CDH18: variants seen among roughly 807,000 people sequenced by gnomAD.
CDH18 encodes the protein cadherin-18.
Under a neutral mutation model 67.9 loss-of-function variants are expected in CDH18, and 31 were observed. The observed-to-expected ratio is 0.46, with a 90% CI of 0.34 to 0.62. The LOEUF (loss-of-function observed/expected upper bound fraction) is 0.62. Among genes scored for constraint, CDH18 ranks in the 20% least tolerant of loss-of-function variants. The pLI is 0.01. For synonymous variants in CDH18, 362 were observed against 347.2 expected (o/e 1.04, Z -0.48); for missense variants, 890 against 975.5 (o/e 0.91, Z 1.17).
chr5:19,813,414 T>C lies in CDH18; in HGVS notation c.228+25345A>G, dbSNP rs138135140. Among the ~76,000 whole-genome samples, 369 of 152,182 alleles carry C rather than the reference T, an allele frequency of 2.4e-3. 1 individual carries two copies. Among genetic ancestry groups the C allele is most frequent in the African/African-American group, 8.1e-3 (337 of 41,546 alleles). ...GGATAAGAAAAGAAGATAAATATGA[T>C]ATATATCATTATAATGATATAATTG... On this transcript the variant is annotated intron_variant, in intron 3 of 12. Coordinates refer to ENST00000382275, the MANE Select transcript of CDH18 (RefSeq NM_004934.5).
chr5:20,313,456 A>C (rs1270961061), intron 1 of CDH18, among the ~76,000 whole-genome samples: 2 of 152,020 alleles, frequency 1.3e-5, no homozygotes, highest in Non-Finnish European at 2.9e-5. Flanking sequence ...TTTTTTCTCA[A>C]CCACATATCT....
In CDH18 at chr5:19,471,662, A is replaced by T. The variant is rs1416118705; in HGVS notation, c.*1564T>A. On this transcript the variant is annotated 3_prime_UTR_variant, in exon 13 of 13. Transcript: ENST00000382275. The stretch of plus-strand genomic sequence containing the variant: ...TCAAGGCCAATAGCAACAACAACAA[A>T]ACATTATCTAAAACAATTTGAAAAA... Among the ~76,000 whole-genome samples the T allele has an allele frequency of 6.6e-6, 1 of 151,906 alleles. No individual in the cohort carries two copies. Among genetic ancestry groups the T allele is most frequent in the Non-Finnish European group, 1.5e-5 (1 of 67,992 alleles).
chr5:20,250,113 G>A (rs116128349), intron 2 of CDH18, among the ~76,000 whole-genome samples: 1,710 of 152,192 alleles, frequency 0.011, 34 homozygotes, highest in African/African-American at 0.039. Context: ...ACTTAAAAGA[G>A]CCAAAGATTA....
chr5:19,615,295 A>C (rs1371070646), intron 5 of CDH18, among the ~76,000 whole-genome samples: 1 of 152,156 alleles, frequency 6.6e-6, no homozygotes, highest in Non-Finnish European at 1.5e-5. Flanking sequence ...AAAGATGATC[A>C]CTTTCTAACC....
rs1450221801 is a variant in CDH18 at position 20,289,271 on chromosome 5, TATGAA to T, written c.-579-33771_-579-33767del. 5.3e-5 allele frequency among the ~76,000 whole-genome samples: 8 copies of T among 152,174 alleles called. No individual in the cohort carries two copies. The East Asian group carries it at 1.5e-3, about 29-fold the overall frequency. Reference sequence around the variant, plus strand: ...TTATTTCTGCTTTACAAATGAGAATTATGAAATGACAGTTGTTAGATAATTATTAA... The same window carrying T: ...TTATTTCTGCTTTACAAATGAGAATTATGACAGTTGTTAGATAATTATTAA... On this transcript the variant is annotated intron_variant, in intron 1 of 14. Coordinates refer to the CDH18 transcript ENST00000507958.
intron 10 of CDH18, among the ~76,000 whole-genome samples, chr5:19,510,528 T>C (rs1263056334): frequency 1.3e-5 from 2 of 152,192 alleles, no homozygotes; most frequent in Non-Finnish European, 2.9e-5. Flanking sequence ...TAGCTAAATG[T>C]ATAGTGTTTT....
chr5:19,555,046 T>C (rs1738139226), intron 8 of CDH18, among the ~76,000 whole-genome samples: 1 of 152,156 alleles, frequency 6.6e-6, no homozygotes, highest in Admixed American at 6.5e-5. Flanking sequence ...ATAACACCCT[T>C]ATTGTATATT....
At chr5:20,172,223 T>TATATATATACAC (rs1554098639) in intron 2 of CDH18, among the ~76,000 whole-genome samples, 1 of 43,922 alleles carries the variant, frequency 2.3e-5, no homozygotes, top group South Asian at 7.5e-4. Context: ...TATATATATA[T>TATATATATACAC]GTATATATAT....
intron 2 of CDH18, among the ~76,000 whole-genome samples, chr5:20,115,274 T>TC (rs1747796430): frequency 8.6e-6 from 1 of 116,918 alleles, no homozygotes; most frequent in Admixed American, 9.3e-5. Flanking sequence ...CCTCATCTTT[T>TC]TTTTTTTTTT....
At chr5:20,248,253 G>A (rs1743536443) in intron 2 of CDH18, among the ~76,000 whole-genome samples, 2 of 138,336 alleles carry the variant, frequency 1.4e-5, no homozygotes, top group African/African-American at 5.0e-5. Flanking sequence ...AGCTGACACT[G>A]TTGAGTAAGC....
intron 2 of CDH18, among the ~76,000 whole-genome samples, chr5:19,914,745 C>T (rs1012524580): frequency 1.3e-5 from 2 of 151,840 alleles, no homozygotes; most frequent in African/African-American, 2.4e-5. Flanking sequence ...CTTTTTAGGG[C>T]CCAGGAATCA....
At chr5:19,575,282 C>T (rs1742135159) in intron 7 of CDH18, among the ~76,000 whole-genome samples, 1 of 152,094 alleles carries the variant, frequency 6.6e-6, no homozygotes, top group South Asian at 2.1e-4. Flanking sequence ...TTTGACAATG[C>T]TAATTAGCAT....
intron 2 of CDH18, among the ~76,000 whole-genome samples, chr5:19,867,111 C>T (rs779146647): frequency 2.0e-5 from 3 of 152,114 alleles, no homozygotes; most frequent in East Asian, 1.9e-4. Flanking sequence ...ATAAATAATG[C>T]ACTCTTAGCC....
At chr5:19,948,997 G>A (rs569590058) in intron 2 of CDH18, among the ~76,000 whole-genome samples, 1 of 152,180 alleles carries the variant, frequency 6.6e-6, no homozygotes, top group African/African-American at 2.4e-5. Flanking sequence ...ATCAACTTAA[G>A]CATACATTTT....
intron 11 of CDH18, among the ~76,000 whole-genome samples, chr5:19,486,800 A>G (rs907900333): frequency 6.7e-6 from 1 of 149,712 alleles, no homozygotes; most frequent in East Asian, 1.9e-4. Flanking sequence ...GTCTCTAAAT[A>G]AATAAATAAA....
chr5:20,532,510 A>G (rs560061587), intron 1 of CDH18, among the ~76,000 whole-genome samples: 1 of 152,136 alleles, frequency 6.6e-6, no homozygotes, highest in South Asian at 2.1e-4. Context: ...CCTCAACCTC[A>G]CATGACCTTC....
intron 1 of CDH18, among the ~76,000 whole-genome samples, chr5:20,565,417 A>G (rs1758444847): frequency 6.6e-6 from 1 of 152,042 alleles, no homozygotes; most frequent in Non-Finnish European, 1.5e-5. Flanking sequence ...GTAAGTGCAA[A>G]ATCTTAGCTG....
At chr5:19,752,895 T>C (rs557032321) in intron 3 of CDH18, among the ~76,000 whole-genome samples, 5 of 152,134 alleles carry the variant, frequency 3.3e-5, no homozygotes, top group Non-Finnish European at 5.9e-5. Flanking sequence ...CAGAGCCTGG[T>C]AGACTTTTTG....
intron 2 of CDH18, among the ~76,000 whole-genome samples, chr5:19,859,225 T>C (rs1448002392): frequency 6.6e-6 from 1 of 152,100 alleles, no homozygotes. Flanking sequence ...TGCCTCATTA[T>C]ACTCTCCTCC....
Sources: allele counts gnomAD v4.1 joint callset (sites outside exome capture counted in the v4.1 genomes callset), GRCh38; gene constraint gnomAD v4.1.1; transcripts MANE v1.5; gene names NCBI Gene and HGNC (gene_info 2026-07-23, HGNC 2026-07-21).